The following GALNT13 variants were observed in gnomAD, a reference collection of about 807,000 sequenced individuals.
The protein encoded by GALNT13 is polypeptide N-acetylgalactosaminyltransferase 13, also known as UDP-GalNAc:polypeptide N-acetylgalactosaminyltransferase 13.
GALNT13 carries 28 observed loss-of-function variants against 64.2 expected under a neutral mutation model. The observed-to-expected ratio is 0.44, with a 90% CI of 0.32 to 0.60. The LOEUF is 0.60. Ranked by LOEUF, GALNT13 falls within the 20% of genes least tolerant of loss-of-function variation. GALNT13 has a pLI of 0.05. For synonymous variants in GALNT13, 214 were observed against 224.6 expected (o/e 0.95, Z 0.42); for missense variants, 577 against 669.8 (o/e 0.86, Z 1.53).
chr2:154,416,488 G>A (rs1453818399), intron 11 of GALNT13, among the ~76,000 whole-genome samples: 1 of 152,022 alleles, frequency 6.6e-6, no homozygotes, highest in Non-Finnish European at 1.5e-5. Flanking sequence ...GCATGAATTT[G>A]GGAGGGGGGA....
the GALNT13 span, among the ~76,000 whole-genome samples, chr2:153,866,218 G>C: frequency 0.82 from 106,780 of 130,842 alleles, 44,759 homozygotes; most frequent in Non-Finnish European, 0.9. Context: ...GCTAGATGAC[G>C]AGTTAGTGGG....
chr2:154,036,802 G>T (rs1698683194), intron 3 of GALNT13, among the ~76,000 whole-genome samples: 1 of 151,974 alleles, frequency 6.6e-6, no homozygotes, highest in Non-Finnish European at 1.5e-5. Context: ...AAGGTTGGCT[G>T]CCCATTGGAA....
At chr2:154,215,711 AT>A (rs903711283) in intron 4 of GALNT13, among the ~76,000 whole-genome samples, 11 of 152,102 alleles carry the variant, frequency 7.2e-5, no homozygotes, top group East Asian at 1.9e-4. Flanking sequence ...AAAGAGAAGA[AT>A]TTTTTTTCTG....
At chr2:153,631,288 T>C in the GALNT13 span, among the ~76,000 whole-genome samples, 1 of 152,368 alleles carries the variant, frequency 6.6e-6, no homozygotes, top group Non-Finnish European at 1.5e-5. Context: ...CATGTGTCTT[T>C]ATAACAGCAT....
the GALNT13 span, among the ~76,000 whole-genome samples, chr2:153,742,654 A>T: frequency 6.6e-6 from 1 of 151,968 alleles, no homozygotes; most frequent in African/African-American, 2.4e-5. Flanking sequence ...GCTCCCACTT[A>T]TGTGAGAATG....
intron 9 of GALNT13, among the ~76,000 whole-genome samples, chr2:154,302,289 C>CA (rs926443873): frequency 1.1e-4 from 17 of 151,672 alleles, no homozygotes; most frequent in Admixed American, 2.6e-4. Flanking sequence ...TTACTTAAAA[C>CA]AAAAAAAGCC....
intron 8 of GALNT13, among the ~76,000 whole-genome samples, chr2:154,300,102 T>TC (rs1233163990): frequency 2.7e-4 from 39 of 144,704 alleles, no homozygotes; most frequent in African/African-American, 9.0e-4. Context: ...TTTCTCTCTT[T>TC]TTTTTTTTTT....
intron 3 of GALNT13, among the ~76,000 whole-genome samples, chr2:154,113,364 A>G (rs566085818): frequency 1.3e-5 from 2 of 152,306 alleles, no homozygotes; most frequent in Non-Finnish European, 2.9e-5. Flanking sequence ...CTCCGCCTGG[A>G]TTCCACTCCA....
At chr2:154,352,682 TG>T (rs1307453400) in intron 9 of GALNT13, among the ~76,000 whole-genome samples, 3 of 152,208 alleles carry the variant, frequency 2.0e-5, no homozygotes, top group African/African-American at 7.2e-5. Flanking sequence ...TCTTATACTG[TG>T]GTCAATACTA....
chr2:153,452,620 A>G, the GALNT13 span, among the ~76,000 whole-genome samples: 1 of 152,056 alleles, frequency 6.6e-6, no homozygotes, highest in Non-Finnish European at 1.5e-5. Context: ...CTTAGAAATC[A>G]TAGATGACAC....
the GALNT13 span, among the ~76,000 whole-genome samples, chr2:153,743,223 G>A: frequency 6.6e-6 from 1 of 152,094 alleles, no homozygotes; most frequent in African/African-American, 2.4e-5. Context: ...AACTGTATGA[G>A]AATTTGCATA....
the GALNT13 span, among the ~76,000 whole-genome samples, chr2:153,779,653 T>TA: frequency 6.6e-6 from 1 of 152,154 alleles, no homozygotes; most frequent in African/African-American, 2.4e-5. Flanking sequence ...TTTTATATTA[T>TA]AAAAATAATA....
chr2:153,109,151 G>A, the GALNT13 span, among the ~76,000 whole-genome samples: 1 of 152,234 alleles, frequency 6.6e-6, no homozygotes, highest in East Asian at 1.9e-4. Context: ...ATCATGGGAT[G>A]TTGGTAATTC....
At chr2:154,249,067 T>C (rs1426317593) in intron 7 of GALNT13, among the ~76,000 whole-genome samples, 1 of 152,138 alleles carries the variant, frequency 6.6e-6, no homozygotes, top group Non-Finnish European at 1.5e-5. Flanking sequence ...AGTAGGCAAC[T>C]AGTAGCAAAG....
intron 7 of GALNT13, among the ~76,000 whole-genome samples, chr2:154,256,906 G>A (rs1437072564): frequency 6.6e-6 from 1 of 152,056 alleles, no homozygotes; most frequent in African/African-American, 2.4e-5. Flanking sequence ...TTTTCTAGAT[G>A]CTCTGAACAC....
intron 4 of GALNT13, among the ~76,000 whole-genome samples, chr2:154,158,417 T>C (rs1366032985): frequency 6.6e-6 from 1 of 152,184 alleles, no homozygotes; most frequent in Non-Finnish European, 1.5e-5. Context: ...TATTTTAGTC[T>C]AAGCTGCTTA....
At chr2:154,446,211 C>G (rs184052684) in intron 12 of GALNT13, among the ~76,000 whole-genome samples, 4 of 152,178 alleles carry the variant, frequency 2.6e-5, no homozygotes, top group Non-Finnish European at 5.9e-5. Flanking sequence ...GACTAATCAA[C>G]TATTTTGAAT....
chr2:153,270,668 G>A, the GALNT13 span, among the ~76,000 whole-genome samples: 28 of 152,080 alleles, frequency 1.8e-4, no homozygotes, highest in African/African-American at 6.5e-4. Context: ...TGAGACCAGC[G>A]TGAGAAATCC....
At chr2:153,686,248 T>A in the GALNT13 span, among the ~76,000 whole-genome samples, 5 of 152,198 alleles carry the variant, frequency 3.3e-5, no homozygotes, top group African/African-American at 1.2e-4. Context: ...GTATGACCAT[T>A]TTCACAATAT....
Sources: gnomAD v4.1 joint callset for allele counts (sites outside exome capture counted in the v4.1 genomes callset) on GRCh38, gnomAD v4.1.1 for gene constraint, MANE v1.5 for transcripts, NCBI Gene and HGNC (gene_info 2026-07-23, HGNC 2026-07-21) for gene names.